Variants in GNAS-AS1 observed in about 807,000 individuals in gnomAD.
GNAS-AS1 encodes the protein GNAS antisense RNA 1.
chr20:58,842,062 G>T (rs2085755577), exon 4 of GNAS-AS1: 2 of 456,494 alleles, frequency 4.4e-6, no homozygotes, highest in East Asian at 3.5e-5. Flanking sequence ...CTTGGGGAGG[G>T]GAGGCGAGGC....
chr20:58,850,066 C>A (rs1037430160), intron 1 of GNAS-AS1, among the ~76,000 whole-genome samples: 1 of 152,148 alleles, frequency 6.6e-6, no homozygotes, highest in African/African-American at 2.4e-5. Flanking sequence ...GTTTACCCAG[C>A]CACGCCCCAT....
At chr20:58,832,800 C>T (rs2085575908) in intron 4 of GNAS-AS1, among the ~76,000 whole-genome samples, 1 of 152,240 alleles carries the variant, frequency 6.6e-6, no homozygotes, top group Non-Finnish European at 1.5e-5. Flanking sequence ...TACGAAGTGA[C>T]AAGATGAAGA....
chr20:58,820,733 G>A (rs1431157941), intron 4 of GNAS-AS1, among the ~76,000 whole-genome samples: 1 of 152,252 alleles, frequency 6.6e-6, no homozygotes, highest in African/African-American at 2.4e-5. Context: ...GATGGCAGCA[G>A]GCAAAGAGAG....
At chr20:58,848,782 T>C in intron 2 of GNAS-AS1, 1 of 397,658 alleles carries the variant, frequency 2.5e-6, no homozygotes. Context: ...CCTGTGGCCT[T>C]GCAGGTGCCA....
intron 4 of GNAS-AS1, among the ~76,000 whole-genome samples, chr20:58,834,931 A>G (rs1432533377): frequency 2.0e-5 from 3 of 152,220 alleles, no homozygotes; most frequent in African/African-American, 4.8e-5. Context: ...TTTTAGCTCT[A>G]GATGGCATTC....
intron 2 of GNAS-AS1, among the ~76,000 whole-genome samples, chr20:58,842,711 T>A (rs966650371): frequency 2.0e-5 from 3 of 152,254 alleles, no homozygotes; most frequent in African/African-American, 7.2e-5. Context: ...GTTGGCTTTC[T>A]GTGACATTAA....
rs1455756498 is a variant in GNAS-AS1 at position 58,840,795 on chromosome 20, C to T, written n.819+1142G>A. 9.3e-6 allele frequency: 15 copies of T among 1,611,922 alleles called. No individual in the cohort carries two copies. The highest frequency in any genetic ancestry group is 1.7e-5 in the Admixed American group (1 of 60,002). On this transcript the variant is annotated intron_variant and non_coding_transcript_variant, in intron 4 of 4. Transcript: ENST00000424094. The surrounding 1 kb of genome is among the most constrained non-coding windows in gnomAD (Gnocchi z 6.0). The stretch of plus-strand genomic sequence containing the variant: ...AAGAAGCCCACCCGCCGTGACGCGT[C>T]CCCGGAGTCCCCTTCCAAAAAGGGA...
chr20:58,848,478 G>A (rs2086026037), intron 2 of GNAS-AS1, among the ~76,000 whole-genome samples: 1 of 152,056 alleles, frequency 6.6e-6, no homozygotes, highest in East Asian at 1.9e-4. Flanking sequence ...TCCCATGATG[G>A]CAATCCATCC....
chr20:58,831,941 T>C (rs959918423), intron 4 of GNAS-AS1, among the ~76,000 whole-genome samples: 2 of 152,160 alleles, frequency 1.3e-5, no homozygotes, highest in African/African-American at 4.8e-5. Context: ...CATCTTTCGT[T>C]TTCTCATTTC....
chr20:58,846,374 T>C (rs1000265420), intron 2 of GNAS-AS1, among the ~76,000 whole-genome samples: 118 of 152,144 alleles, frequency 7.8e-4, no homozygotes, highest in Non-Finnish European at 1.2e-4. Flanking sequence ...AAATATGGCA[T>C]TGGAGGGCTA....
chr20:58,823,175 T>C (rs2085497232), intron 4 of GNAS-AS1, among the ~76,000 whole-genome samples: 2 of 152,298 alleles, frequency 1.3e-5, no homozygotes, highest in Non-Finnish European at 2.9e-5. Context: ...TGAGCTTCCA[T>C]TTGGCCTGTG....
intron 4 of GNAS-AS1, among the ~76,000 whole-genome samples, chr20:58,830,463 A>G (rs1176767389): frequency 6.7e-5 from 7 of 104,740 alleles, no homozygotes; most frequent in East Asian, 3.2e-4. Context: ...CATCACCACC[A>G]CCACACCACC....
chr20:58,831,636 C>CA (rs915787624), intron 4 of GNAS-AS1, among the ~76,000 whole-genome samples: 80 of 148,604 alleles, frequency 5.4e-4, no homozygotes, highest in South Asian at 3.8e-3. Flanking sequence ...GTCTCAAAAA[C>CA]AAAAAAAAAC....
chr20:58,825,615 T>C (rs1428959948), intron 4 of GNAS-AS1, among the ~76,000 whole-genome samples: 2 of 152,214 alleles, frequency 1.3e-5, no homozygotes, highest in East Asian at 1.9e-4. Flanking sequence ...AGTATTGGAA[T>C]ATGGCAAAAA....
Position 58,836,784 on chromosome 20 carries a change from ACTCCTT to A in GNAS-AS1, n.819+5147_819+5152del, listed in dbSNP as rs149348941. 8.2e-3 allele frequency among the ~76,000 whole-genome samples: 1,251 copies of A among 151,968 alleles called. 11 individuals are homozygous for A. The highest frequency in any genetic ancestry group is 0.014 in the Non-Finnish European group (921 of 67,954). On this transcript the variant is annotated intron_variant and non_coding_transcript_variant, in intron 4 of 4. Transcript: ENST00000424094. ...GAATGGCATCTCAGTGCAGTCCCCC[ACTCCTT>A]CCTCCCAGAGCCTGTGGTGAATGTA... is the stretch of plus-strand genomic sequence containing the variant.
chr20:58,846,778 T>C (rs2085956242), intron 2 of GNAS-AS1, among the ~76,000 whole-genome samples: 1 of 152,178 alleles, frequency 6.6e-6, no homozygotes, highest in African/African-American at 2.4e-5. Context: ...GTAATTGAGG[T>C]TGTTCTAGAA....
rs1253316963 is a variant in GNAS-AS1, at chr20:58,840,037, C to T, written n.819+1900G>A. 80 of 1,555,278 alleles carry T rather than the reference C, an allele frequency of 5.1e-5. No individual in the cohort carries two copies. In the Admixed American group the frequency reaches 7.4e-4, roughly 14 times the overall value. ...GGTGTACCTTTCCCGGCTCCAGCAG[C>T]CAATGTGCTTCGGAGCCACTCTCTG... is the stretch of plus-strand genomic sequence containing the variant. On this transcript the variant is annotated intron_variant and non_coding_transcript_variant, in intron 4 of 4. Coordinates refer to ENST00000424094, the Ensembl canonical transcript of GNAS-AS1. The surrounding 1 kb of genome is among the most constrained non-coding windows in gnomAD (Gnocchi z 6.0).
chr20:58,845,833 T>TGGC (rs2085921482), intron 2 of GNAS-AS1, among the ~76,000 whole-genome samples: 3 of 152,230 alleles, frequency 2.0e-5, no homozygotes, highest in Non-Finnish European at 2.9e-5. Context: ...GGGCCACCAT[T>TGGC]ACCTGTTGAC....
At chr20:58,849,716 C>T (rs1034929315) in intron 1 of GNAS-AS1, among the ~76,000 whole-genome samples, 1 of 152,228 alleles carries the variant, frequency 6.6e-6, no homozygotes, top group Non-Finnish European at 1.5e-5. Context: ...ATAAGAGCTG[C>T]TCCAGGAGGA....
Sources: allele counts gnomAD v4.1 joint callset (sites outside exome capture counted in the v4.1 genomes callset), GRCh38; gene constraint gnomAD v4.1.1; non-coding constraint Gnocchi (gnomAD v3.1); transcripts MANE v1.5; gene names NCBI Gene and HGNC (gene_info 2026-07-23, HGNC 2026-07-21).